Variants in GNB1 observed in about 807,000 individuals in gnomAD.
The protein encoded by GNB1 is guanine nucleotide-binding protein G(I)/G(S)/G(T) subunit beta-1.
In GNB1, 2 loss-of-function variants were observed where a neutral mutation model predicts 42.9. The observed-to-expected ratio is 0.05, with a 90% confidence interval of 0.02 to 0.15. The LOEUF (loss-of-function observed/expected upper bound fraction) is 0.15. GNB1 is among the 10% of genes least tolerant of loss of function. GNB1 has a pLI of 1.00. For missense variants in GNB1, 193 were observed against 462.2 expected (o/e 0.42, Z 5.34); for synonymous variants, 183 against 174.7 (o/e 1.05, Z -0.38).
chr1:1,795,815 G>C (rs1646539351), intron 7 of GNB1, among the ~76,000 whole-genome samples: 1 of 152,144 alleles, frequency 6.6e-6, no homozygotes, highest in Non-Finnish European at 1.5e-5. Context: ...ACCCTGTGCA[G>C]GCTGTAGTGA....
intron 8 of GNB1, among the ~76,000 whole-genome samples, chr1:1,792,921 T>A (rs1406652527): frequency 6.6e-6 from 1 of 151,460 alleles, no homozygotes. Flanking sequence ...CAAAAATTAG[T>A]CAGGCGTGGT....
intron 1 of GNB1, among the ~76,000 whole-genome samples, chr1:1,885,812 C>CCTCCCAAAGTGCTGGGATTACAGG (rs1324567436): frequency 6.7e-6 from 1 of 150,144 alleles, no homozygotes; most frequent in Non-Finnish European, 1.5e-5. Context: ...CCCACGTCGG[C>CCTCCCAAAGTGCTGGGATTACAGG]CTCCCAAAGT....
At position 1,787,405 on chromosome 1, in the gene GNB1, A is replaced by C. The variant is rs1192221363; in HGVS notation, c.949T>G (p.Cys317Gly). ...ATGCCATCGTCAGTCACGCCCAGGC[A>C]GCTGACGCGGTTGTCATGCCCAGCC... is the stretch of plus-strand genomic sequence containing the variant. ...VLAGHDNRVS[C>G]LGVTDDGMAV... The change falls in exon 11 of 12, where the codon TGC (cysteine) becomes GGC (glycine). Residue 317 changes from cysteine (C) to glycine (G), a missense_variant. Cys to Gly is a radical substitution (Grantham distance 159). Transcript: ENST00000378609. The surrounding 1 kb of genome is among the most constrained non-coding windows in gnomAD (Gnocchi z 4.4). The C allele has an allele frequency of 2.5e-6, 4 of 1,613,604 alleles. No homozygotes were observed.
chr1:1,809,502 A>G (rs1646746813), intron 5 of GNB1, among the ~76,000 whole-genome samples: 1 of 152,224 alleles, frequency 6.6e-6, no homozygotes, highest in East Asian at 1.9e-4. Context: ...TCATCAACAT[A>G]TTAAACATTT....
intron 1 of GNB1, among the ~76,000 whole-genome samples, chr1:1,875,861 A>C (rs544315280): frequency 6.6e-6 from 1 of 151,976 alleles, no homozygotes; most frequent in East Asian, 1.9e-4. Flanking sequence ...ATTCATGTCT[A>C]CCTGGAACCT....
chr1:1,840,071 T>TA (rs1647205450), intron 1 of GNB1, among the ~76,000 whole-genome samples: 2 of 151,066 alleles, frequency 1.3e-5, no homozygotes, highest in East Asian at 3.9e-4. Flanking sequence ...TACTAAAAAT[T>TA]AAAAAAATTA....
chr1:1,838,777 A>G (rs1480080705), intron 2 of GNB1, among the ~76,000 whole-genome samples: 2 of 152,120 alleles, frequency 1.3e-5, no homozygotes, highest in African/African-American at 4.8e-5. Flanking sequence ...TCTGATTTGA[A>G]AAAAGGGCTC....
intron 5 of GNB1, among the ~76,000 whole-genome samples, chr1:1,811,308 G>A (rs370553443): frequency 4.7e-4 from 72 of 151,694 alleles, no homozygotes; most frequent in East Asian, 4.1e-3. Context: ...GGCTGGTCTC[G>A]AACTCCTGAA....
At position 1,786,878 on chromosome 1, in the gene GNB1, T is replaced by C. The variant is rs1337090504; in HGVS notation, c.*185A>G. The stretch of plus-strand genomic sequence containing the variant: ...TTAGTTTACAGCACAGAGATCTTTC[T>C]CTCAATGGGAATTGTGCTCTTGGTT... On this transcript the variant is annotated 3_prime_UTR_variant, in exon 12 of 12. Transcript: ENST00000378609. 6.5e-6 allele frequency: 1 copy of C among 152,872 alleles called. No individual in the cohort carries two copies. The highest frequency in any genetic ancestry group is 1.9e-4 in the East Asian group (1 of 5,212). The allele number at this position is 152,872 out of a possible 1,614,324, so 9.5% of individuals were successfully genotyped here.
At chr1:1,873,158 C>A (rs1240933031) in intron 1 of GNB1, among the ~76,000 whole-genome samples, 1 of 152,164 alleles carries the variant, frequency 6.6e-6, no homozygotes, top group African/African-American at 2.4e-5. Flanking sequence ...CCTTGGCCTC[C>A]CAAAGGGCTG....
At position 1,791,394 on chromosome 1, in the gene GNB1, C is replaced by T. The variant is rs145704062; in HGVS notation, c.498-798G>A. 3.2e-3 allele frequency among the ~76,000 whole-genome samples: 486 copies of T among 152,206 alleles called. 1 individual carries two copies. The highest frequency in any genetic ancestry group is 0.011 in the African/African-American group (461 of 41,538). On this transcript the variant is annotated intron_variant, in intron 8 of 11. Coordinates refer to ENST00000378609, the MANE Select transcript of GNB1 (RefSeq NM_002074.5). The stretch of plus-strand genomic sequence containing the variant: ...TTCTCCATATTGGTCAGACTGGTCT[C>T]GAACTCCTGACCTCAGGTGATCCGC...
At chr1:1,792,295 AG>A (rs1438183511) in intron 8 of GNB1, among the ~76,000 whole-genome samples, 1 of 152,190 alleles carries the variant, frequency 6.6e-6, no homozygotes, top group Non-Finnish European at 1.5e-5. Context: ...GCTATCAGAA[AG>A]GGACAATCAA....
At chr1:1,882,412 G>A (rs1570759703) in intron 1 of GNB1, among the ~76,000 whole-genome samples, 2 of 105,774 alleles carry the variant, frequency 1.9e-5, no homozygotes, top group African/African-American at 8.0e-5. Flanking sequence ...GGGTGACAGA[G>A]CAAGACTCCA....
At chr1:1,888,275 G>C (rs1570768859) in intron 1 of GNB1, among the ~76,000 whole-genome samples, 2 of 151,742 alleles carry the variant, frequency 1.3e-5, no homozygotes, top group East Asian at 3.9e-4. Flanking sequence ...AAGATAAAAT[G>C]TCATCCTCAC....
chr1:1,836,387 C>CTTT (rs34812880), intron 2 of GNB1, among the ~76,000 whole-genome samples: 9 of 85,148 alleles, frequency 1.1e-4, no homozygotes, highest in African/African-American at 2.8e-4. Context: ...CTTAATATTG[C>CTTT]TTTTTTTTTT....
At chr1:1,802,636 G>A (rs868051885) in intron 7 of GNB1, among the ~76,000 whole-genome samples, 1 of 152,096 alleles carries the variant, frequency 6.6e-6, no homozygotes, top group African/African-American at 2.4e-5. Flanking sequence ...AGGCGTGGTG[G>A]TGCACGCCTG....
intron 1 of GNB1, among the ~76,000 whole-genome samples, chr1:1,882,621 T>C (rs1447121936): frequency 2.0e-5 from 3 of 151,640 alleles, no homozygotes; most frequent in African/African-American, 7.3e-5. Flanking sequence ...GAGAATTCTC[T>C]AAAAAAATGA....
intron 6 of GNB1, among the ~76,000 whole-genome samples, chr1:1,805,149 G>A (rs1430426024): frequency 4.1e-5 from 6 of 147,364 alleles, no homozygotes; most frequent in South Asian, 4.4e-4. Context: ...GCAACAGAGC[G>A]AGACTCCGTC....
chr1:1,850,014 G>A (rs987066712), intron 1 of GNB1, among the ~76,000 whole-genome samples: 2 of 152,034 alleles, frequency 1.3e-5, no homozygotes, highest in African/African-American at 4.8e-5. Flanking sequence ...CTGTACATAG[G>A]CTGAAGTACA....
Sources: gnomAD v4.1 joint callset for allele counts (sites outside exome capture counted in the v4.1 genomes callset) on GRCh38, gnomAD v4.1.1 for gene constraint, Gnocchi (gnomAD v3.1) non-coding constraint, MANE v1.5 for transcripts, NCBI Gene and HGNC (gene_info 2026-07-23, HGNC 2026-07-21) for gene names.